Variants in MXD4 observed in about 807,000 individuals in gnomAD.
MXD4 encodes the protein Mad4 homolog.
MXD4 carries 16 observed loss-of-function variants against 24.5 expected under a neutral mutation model. That is an observed-to-expected ratio of 0.65 (90% CI 0.44 to 0.99). The LOEUF (loss-of-function observed/expected upper bound fraction) is 0.99, where lower values mean the gene tolerates loss of function less well. Ranked by LOEUF, MXD4 falls within the 50% of genes least tolerant of loss-of-function variation. The probability of loss-of-function intolerance (pLI) is 0.00; values close to 1 mark genes in which losing one functional copy is unlikely to be tolerated. For missense variants in MXD4, 301 were observed against 301.5 expected (o/e 1.00, Z 0.01); for synonymous variants, 164 against 134.2 (o/e 1.22, Z -1.54).
rs1244159473 is a variant in MXD4 at position 2,249,090 on chromosome 4, AG to A, written c.*1453del. The A allele has an allele frequency of 6.6e-6, 1 of 152,418 alleles. No individual in the cohort carries two copies. Among genetic ancestry groups the A allele is most frequent in the Admixed American group, 6.5e-5 (1 of 15,292 alleles). 9.4% of individuals were successfully genotyped at this position (152,418 alleles called of 1,614,324 possible). A position where few individuals can be genotyped will look rare whatever the true frequency, so the allele number is the denominator to read the frequency against. The stretch of plus-strand genomic sequence containing the variant: ...AGGGCAACACTGGGGACCAGGTCAC[AG>A]CCCCTCCGTGCCACCCACAGGGGCC... On this transcript the variant is annotated 3_prime_UTR_variant, in exon 6 of 6. Coordinates refer to ENST00000337190, the MANE Select transcript of MXD4 (RefSeq NM_006454.3).
chr4:2,256,721 G>A (rs1349212688), intron 3 of MXD4, among the ~76,000 whole-genome samples: 4 of 152,174 alleles, frequency 2.6e-5, no homozygotes, highest in Non-Finnish European at 5.9e-5. Context: ...TGGGAGGAGA[G>A]GACAGAGGGC....
At chr4:2,256,030 C>T (rs1259379501) in intron 3 of MXD4, among the ~76,000 whole-genome samples, 1 of 152,244 alleles carries the variant, frequency 6.6e-6, no homozygotes, top group Non-Finnish European at 1.5e-5. Context: ...TGAGGCTGGG[C>T]TGCAGGGGGC....
In MXD4 at chr4:2,262,007, G is replaced by T; in HGVS notation, c.-27C>A. 5.8e-6 allele frequency: 7 copies of T among 1,213,406 alleles called. No individual in the cohort carries two copies. The highest frequency in any genetic ancestry group is 4.0e-5 in the East Asian group (1 of 24,860). The allele number at this position is 1,213,406 out of a possible 1,614,324, so 75.2% of individuals were successfully genotyped here. A position where few individuals can be genotyped will look rare whatever the true frequency, so the allele number is the denominator to read the frequency against. On this transcript the variant is annotated 5_prime_UTR_variant, in exon 1 of 6. Transcript: ENST00000337190. ...CTCCCGCCCGCGCCCGTCCGCCCCG[G>T]GACGGCGGCGGCCGCTGCCCGGCCC...
At position 2,251,256 on chromosome 4, in the gene MXD4, A is replaced by AG. The variant is rs1457612628; in HGVS notation, c.310-11dup. The AG allele has an allele frequency of 3.2e-6, 5 of 1,579,340 alleles. No homozygotes were observed. The highest frequency in any genetic ancestry group is 3.5e-6 in the Non-Finnish European group (4 of 1,158,310). On this transcript the variant is annotated splice_polypyrimidine_tract_variant and intron_variant, in intron 4 of 5. Coordinates refer to ENST00000337190, the MANE Select transcript of MXD4 (RefSeq NM_006454.3). ...CCTGCTCCTCCAGTTTCTGGGGTCG[A>AG]GGGGGGCTGTGAGCTCACAGCGGGA...
At chr4:2,257,892 G>A (rs2233038) in intron 3 of MXD4, 90 bp downstream of exon 3, 26 of 1,544,054 alleles carry the variant, frequency 1.7e-5, no homozygotes, top group African/African-American at 6.8e-5. Flanking sequence ...GGCCGTGCCC[G>A]GGACAGGGGC....
At chr4:2,259,492 C>G (rs187446908) in intron 2 of MXD4, among the ~76,000 whole-genome samples, 1 of 152,332 alleles carries the variant, frequency 6.6e-6, no homozygotes, top group East Asian at 1.9e-4. Flanking sequence ...AGGAATGAGC[C>G]GTACTCTCTG....
chr4:2,261,284 G>C (rs1216732554), intron 2 of MXD4, among the ~76,000 whole-genome samples: 1 of 152,152 alleles, frequency 6.6e-6, no homozygotes, highest in Non-Finnish European at 1.5e-5. Flanking sequence ...CCAGTCGAAA[G>C]GAGGCCGCCC....
Position 2,247,917 on chromosome 4 carries a change from A to T in MXD4, c.*2627T>A, listed in dbSNP as rs1244331073. ...TGTGGTTTGCGGGGGTTATCCTGGTATGCGGGAGCTGCCTTCCAATAAGGC... is the reference window on the plus strand; with the variant it reads ...TGTGGTTTGCGGGGGTTATCCTGGTTTGCGGGAGCTGCCTTCCAATAAGGC... On this transcript the variant is annotated 3_prime_UTR_variant, in exon 6 of 6. Coordinates refer to ENST00000337190, the MANE Select transcript of MXD4 (RefSeq NM_006454.3). The T allele has an allele frequency of 6.6e-6, 1 of 152,384 alleles. No individual in the cohort carries two copies. Among genetic ancestry groups the T allele is most frequent in the Non-Finnish European group, 1.5e-5 (1 of 68,180 alleles). The allele number at this position is 152,384 out of a possible 1,614,324, so 9.4% of individuals were successfully genotyped here. A position where few individuals can be genotyped will look rare whatever the true frequency, so the allele number is the denominator to read the frequency against.
intron 3 of MXD4, chr4:2,254,907 C>T (rs907180088): frequency 4.7e-5 from 9 of 189,816 alleles, no homozygotes; most frequent in Non-Finnish European, 7.8e-5. Context: ...GTCTGAAGGG[C>T]CATCGATACA....
rs1735242773 is a variant in MXD4, at chr4:2,248,428, G to C, written c.*2116C>G. 6.6e-6 allele frequency: 1 copy of C among 152,470 alleles called. No homozygotes were observed. Among genetic ancestry groups the C allele is most frequent in the South Asian group, 2.1e-4 (1 of 4,840 alleles). 9.4% of individuals were successfully genotyped at this position (152,470 alleles called of 1,614,324 possible). A position where few individuals can be genotyped will look rare whatever the true frequency, so the allele number is the denominator to read the frequency against. ...AGGGAGCTGGTGCTTCAAGAATTGA[G>C]GGCAGGGACACGACCACCTCAGGGC... On this transcript the variant is annotated 3_prime_UTR_variant, in exon 6 of 6. Transcript: ENST00000337190.
chr4:2,253,283 G>C (rs1035163309), intron 3 of MXD4: 2 of 152,200 alleles, frequency 1.3e-5, no homozygotes, highest in Admixed American at 6.5e-5. Context: ...GCTTGTCTGC[G>C]GGGGAGGCTG....
chr4:2,255,804 CA>C (rs1224600057), intron 3 of MXD4, among the ~76,000 whole-genome samples: 5 of 152,184 alleles, frequency 3.3e-5, no homozygotes, highest in African/African-American at 9.7e-5. Flanking sequence ...CCAGCTCCCC[CA>C]AAAACCCCCA....
At chr4:2,261,406 C>T (rs535655992) in intron 2 of MXD4, among the ~76,000 whole-genome samples, 3 of 152,312 alleles carry the variant, frequency 2.0e-5, no homozygotes, top group Admixed American at 1.3e-4. Flanking sequence ...ACTTTTCTAC[C>T]GCCTGGAAAA....
At chr4:2,252,747 A>G (rs1735350794) in intron 3 of MXD4, 5 of 502,578 alleles carry the variant, frequency 9.9e-6, no homozygotes, top group Non-Finnish European at 1.8e-5. Flanking sequence ...CCAGCTCACC[A>G]TGGCCTGCAA....
rs934600586 is a variant in MXD4, at chr4:2,250,222, G to A, written c.*322C>T. The stretch of plus-strand genomic sequence containing the variant: ...TTAAGCCCCTCACACGGCACCTGCC[G>A]AGGTTTGCAGCAATGACGTTTAATA... On this transcript the variant is annotated 3_prime_UTR_variant, in exon 6 of 6. Transcript: ENST00000337190. 17 of 353,298 alleles carry A rather than the reference G, an allele frequency of 4.8e-5. No homozygotes were observed. Among genetic ancestry groups the A allele is most frequent in the South Asian group, 6.2e-5 (1 of 16,098 alleles). 21.9% of individuals were successfully genotyped at this position (353,298 alleles called of 1,614,324 possible).
At chr4:2,258,033 C>T in intron 2 of MXD4, 22 bp from the exon 3 acceptor site, 1 of 1,613,450 alleles carries the variant, frequency 6.2e-7, no homozygotes, top group Non-Finnish European at 8.5e-7. Context: ...GACAGAAAGA[C>T]AGAGCTCACT....
rs1012031326 is a variant in MXD4 at position 2,252,269 on chromosome 4, A to G, written c.309+139T>C. 2.5e-5 allele frequency: 17 copies of G among 684,248 alleles called. No homozygotes were observed. The South Asian group carries it at 2.8e-4, about 11-fold the overall frequency. 42.4% of individuals were successfully genotyped at this position (684,248 alleles called of 1,614,324 possible). A position where few individuals can be genotyped will look rare whatever the true frequency, so the allele number is the denominator to read the frequency against. ...AAAACCCACCAGGCCCCCGACACAC[A>G]CCCGCCAGATGGCTCCCCACCCATC... On this transcript the variant is annotated intron_variant, in intron 4 of 5. Coordinates refer to ENST00000337190, the MANE Select transcript of MXD4 (RefSeq NM_006454.3).
At chr4:2,261,231 G>A (rs1735535877) in intron 2 of MXD4, among the ~76,000 whole-genome samples, 1 of 152,226 alleles carries the variant, frequency 6.6e-6, no homozygotes, top group African/African-American at 2.4e-5. Flanking sequence ...AGGCTCCTGG[G>A]GGCGGGGGAA....
intron 2 of MXD4, among the ~76,000 whole-genome samples, chr4:2,258,261 C>A (rs879698516): frequency 1.2e-4 from 18 of 152,156 alleles, no homozygotes; most frequent in Non-Finnish European, 2.2e-4. Context: ...GCAGCTCACG[C>A]CCTGGAGTTC....
Sources: allele counts gnomAD v4.1 joint callset (sites outside exome capture counted in the v4.1 genomes callset), GRCh38; gene constraint gnomAD v4.1.1; transcripts MANE v1.5; gene names NCBI Gene and HGNC (gene_info 2026-07-23, HGNC 2026-07-21).